The following SCN11A variants were observed in gnomAD, a reference collection of about 807,000 sequenced individuals.
SCN11A encodes the protein sodium voltage-gated channel alpha subunit 11.
In SCN11A, 122 loss-of-function variants were observed where a neutral mutation model predicts 162.2. That is an observed-to-expected ratio of 0.75 (90% CI 0.65 to 0.87). The LOEUF (loss-of-function observed/expected upper bound fraction) is 0.87. Among genes scored for constraint, SCN11A ranks in the 40% least tolerant of loss-of-function variants. SCN11A has a pLI of 0.00. For missense variants in SCN11A, 2,015 were observed against 2,181.6 expected, an observed-to-expected ratio of 0.92 and a Z score of 1.52; for synonymous variants, 758 against 751.5, an observed-to-expected ratio of 1.01 and a Z score of -0.14.
chr3:38,984,325 C>T (rs975777236), intron 2 of SCN11A, among the ~76,000 whole-genome samples: 2 of 152,064 alleles, frequency 1.3e-5, no homozygotes, highest in Non-Finnish European at 1.5e-5. Flanking sequence ...CTAAAGAGCT[C>T]CCCCTACCTT....
intron 2 of SCN11A, among the ~76,000 whole-genome samples, chr3:39,005,323 G>T (rs1382477783): frequency 1.3e-5 from 2 of 152,138 alleles, no homozygotes; most frequent in African/African-American, 2.4e-5. Context: ...ATATGAGAGG[G>T]TCTCTCTCTT....
At chr3:38,907,205 C>T (rs941499833) in intron 14 of SCN11A, among the ~76,000 whole-genome samples, 2 of 151,656 alleles carry the variant, frequency 1.3e-5, no homozygotes, top group Admixed American at 1.3e-4. Context: ...ATCCTGTCTT[C>T]CTTAGTGCAC....
rs113793947 is a variant in SCN11A, at chr3:38,995,274, C to T, written c.-279-34851G>A. ...TACCTGGGACTACAGGCACCCACCACCATGCCCAGCTAATTTTTTGTATTT... is the reference window on the plus strand; with the variant it reads ...TACCTGGGACTACAGGCACCCACCATCATGCCCAGCTAATTTTTTGTATTT... On this transcript the variant is annotated intron_variant, in intron 2 of 29. Transcript: ENST00000302328. Among the ~76,000 whole-genome samples the T allele has an allele frequency of 3.3e-3, 506 of 152,166 alleles. 3 individuals are homozygous for T. Among genetic ancestry groups the T allele is most frequent in the Middle Eastern group, 0.01 (3 of 294 alleles).
In SCN11A at chr3:38,900,111, C is replaced by T. The variant is rs370659471; in HGVS notation, c.1843-38G>A. ...AAAGAAGAATGAGAGAAGGAAGCTG[C>T]GGAGATAACACTTTTAAGAATGGCC... On this transcript the variant is annotated intron_variant, in intron 16 of 29. Transcript: ENST00000302328. 1.8e-5 allele frequency: 28 copies of T among 1,539,106 alleles called. 1 individual carries two copies. Among genetic ancestry groups the T allele is most frequent in the East Asian group, 1.1e-4 (5 of 44,168 alleles).
In SCN11A at chr3:38,946,862, C is replaced by T; in HGVS notation, c.313G>A (p.Ala105Thr). 6.2e-7 allele frequency: 1 copy of T among 1,613,864 alleles called. No individual in the cohort carries two copies. Among genetic ancestry groups the T allele is most frequent in the Non-Finnish European group, 8.5e-7 (1 of 1,179,896 alleles). The change falls in exon 6 of 30, where the codon GCC becomes ACC. Residue 105 changes from alanine to threonine, a missense_variant. Ala to Thr is a moderately conservative substitution (Grantham distance 58). Coordinates refer to ENST00000302328, the MANE Select transcript of SCN11A (RefSeq NM_001349253.2). The part of the protein sequence containing the change: ...NRKRTIYRFS[A>T]KHALFIFGPF... The stretch of plus-strand genomic sequence containing the variant: ...CCAAAAATGAACAAGGCATGCTTGG[C>T]ACTGAAGCGGTAGATTGTCCTCTTT...
At chr3:38,921,354 T>C (rs1429070835) in intron 9 of SCN11A, 99 bp from the exon 10 acceptor site, 2 of 1,151,240 alleles carry the variant, frequency 1.7e-6, no homozygotes, top group Admixed American at 2.2e-5. Flanking sequence ...AACTGTCAAA[T>C]TGCAGGCTGG....
chr3:38,950,617 A>G, intron 4 of SCN11A: 2 of 476,330 alleles, frequency 4.2e-6, no homozygotes, highest in Non-Finnish European at 3.8e-6. Context: ...ACCTGGCAAA[A>G]GGCGGGAAGT....
chr3:39,012,734 C>G (rs1340319831), intron 2 of SCN11A, among the ~76,000 whole-genome samples: 2 of 152,162 alleles, frequency 1.3e-5, no homozygotes, highest in African/African-American at 4.8e-5. Context: ...CTTGGCCTCC[C>G]AAAGTGCTGG....
intron 7 of SCN11A, among the ~76,000 whole-genome samples, chr3:38,929,131 G>GCGCGCGCACACA (rs774058202): frequency 1.4e-4 from 5 of 36,994 alleles, no homozygotes; most frequent in African/African-American, 2.8e-4. Context: ...CTGGGTCTGT[G>GCGCGCGCACACA]CACGCACACA....
At position 38,945,460 on chromosome 3, in the gene SCN11A, C is replaced by T; in HGVS notation, c.439G>A (p.Ala147Thr). 6.2e-7 allele frequency: 1 copy of T among 1,601,250 alleles called. No individual in the cohort carries two copies. The highest frequency in any genetic ancestry group is 1.1e-5 in the South Asian group (1 of 89,774). Residue 147 changes from alanine (A) to threonine (T), a missense_variant, in exon 7 of 30, where the codon GCT (alanine) becomes ACT (threonine). Transcript: ENST00000302328. ...GTVIINCVFMATGPAKNSNSN... is the reference protein window; with the variant it reads ...GTVIINCVFMTTGPAKNSNSN... ...TTGCTGTTTTTAGCAGGCCCTGTAG[C>T]CATGAACACGCAGTTGATGATAACG...
chr3:38,936,474 T>C (rs1195545137), intron 7 of SCN11A, among the ~76,000 whole-genome samples: 3 of 151,282 alleles, frequency 2.0e-5, no homozygotes, highest in African/African-American at 2.4e-5. Flanking sequence ...GAAAACCCCA[T>C]TGTCTCAGCC....
chr3:39,041,463 T>C (rs1044550246), intron 1 of SCN11A, among the ~76,000 whole-genome samples: 1 of 151,994 alleles, frequency 6.6e-6, no homozygotes, highest in African/African-American at 2.4e-5. Context: ...AAGAAAAAAA[T>C]GTCAAGTCAC....
chr3:38,912,964 G>GA (rs1559527644), intron 11 of SCN11A, among the ~76,000 whole-genome samples: 1 of 152,148 alleles, frequency 6.6e-6, no homozygotes, highest in Non-Finnish European at 1.5e-5. Flanking sequence ...CTTTACAGTA[G>GA]AATGATTTAT....
chr3:38,899,751 T>A, intron 17 of SCN11A, 143 bp downstream of exon 17: 1 of 642,330 alleles, frequency 1.6e-6, no homozygotes, highest in Non-Finnish European at 2.7e-6. Context: ...TAAAGACCTG[T>A]GCAGGAAGAG....
At chr3:38,950,992 A>C (rs2066604590) in intron 4 of SCN11A, among the ~76,000 whole-genome samples, 1 of 152,250 alleles carries the variant, frequency 6.6e-6, no homozygotes, top group African/African-American at 2.4e-5. Flanking sequence ...GCGTGCTGGC[A>C]GTCCTCACAG....
chr3:39,033,883 G>A (rs2031830231), intron 1 of SCN11A, among the ~76,000 whole-genome samples: 2 of 152,064 alleles, frequency 1.3e-5, no homozygotes, highest in African/African-American at 4.8e-5. Context: ...TAAAAGTATA[G>A]GATGGGCATG....
chr3:38,912,028 G>C (rs2125539796), intron 11 of SCN11A, among the ~76,000 whole-genome samples: 1 of 152,254 alleles, frequency 6.6e-6, no homozygotes, highest in Non-Finnish European at 1.5e-5. Context: ...GATTTGCCTG[G>C]TGGGCAGAGT....
intron 9 of SCN11A, among the ~76,000 whole-genome samples, chr3:38,922,423 A>T (rs1245139456): frequency 6.6e-6 from 1 of 152,240 alleles, no homozygotes; most frequent in Non-Finnish European, 1.5e-5. Flanking sequence ...TTCCTGGATC[A>T]TTTTTTAATA....
intron 19 of SCN11A, among the ~76,000 whole-genome samples, chr3:38,893,074 A>G (rs1052812194): frequency 7.9e-5 from 12 of 152,196 alleles, no homozygotes; most frequent in Non-Finnish European, 1.2e-4. Flanking sequence ...AGATTGCCAG[A>G]ATAGATAAGA....
Sources: allele counts gnomAD v4.1 joint callset (sites outside exome capture counted in the v4.1 genomes callset), GRCh38; gene constraint gnomAD v4.1.1; transcripts MANE v1.5; gene names NCBI Gene and HGNC (gene_info 2026-07-23, HGNC 2026-07-21).